Variants in THTPA observed in about 807,000 individuals in gnomAD.
THTPA encodes the protein thiamine-triphosphatase.
THTPA carries 16 observed loss-of-function variants against 16.5 expected under a neutral mutation model. The observed-to-expected ratio is 0.97, with a 90% confidence interval of 0.66 to 1.47. The LOEUF (loss-of-function observed/expected upper bound fraction) is 1.47. Among genes scored for constraint, THTPA ranks in the 40% most tolerant of loss-of-function variants. THTPA has a pLI of 0.00. For synonymous variants in THTPA, 110 were observed against 115.5 expected, an observed-to-expected ratio of 0.95 and a Z score of 0.30; for missense variants, 281 against 280.9, an observed-to-expected ratio of 1.00 and a Z score of 0.00.
chr14:23,546,822 C>A, the THTPA span, among the ~76,000 whole-genome samples: 223 of 152,302 alleles, frequency 1.5e-3, 2 homozygotes, highest in East Asian at 0.04. The surrounding 1 kb of genome is among the most constrained non-coding windows in gnomAD (Gnocchi z 4.7). Flanking sequence ...CTGCCCAACT[C>A]CGTGGCGGTG....
At chr14:23,511,930 C>G in the THTPA span, 1 of 152,036 alleles carries the variant, frequency 6.6e-6, no homozygotes, top group South Asian at 2.1e-4. Flanking sequence ...TATTCTCCTC[C>G]TTCCCCCGCC....
chr14:23,533,404 C>T, the THTPA span: 7 of 1,497,898 alleles, frequency 4.7e-6, no homozygotes, highest in East Asian at 1.2e-4. The surrounding 1 kb of genome is among the most constrained non-coding windows in gnomAD (Gnocchi z 4.8). Context: ...CTGAGGCTGC[C>T]CTAGGGCCTG....
the THTPA span, chr14:23,526,899 T>A: frequency 6.5e-7 from 1 of 1,534,740 alleles, no homozygotes; most frequent in South Asian, 1.2e-5. Context: ...TGGGGGGTTC[T>A]TGGCCATTGT....
At chr14:23,535,058 G>A in the THTPA span, 1 of 1,536,210 alleles carries the variant, frequency 6.5e-7, no homozygotes, top group Non-Finnish European at 8.7e-7. This position sits in a 1 kb window ranked among gnomAD's most constrained non-coding sequence, Gnocchi z 4.5. Flanking sequence ...TCCACCCCTG[G>A]GTCATTTGGT....
the THTPA span, chr14:23,526,979 A>G: frequency 6.6e-7 from 1 of 1,503,970 alleles, no homozygotes; most frequent in Non-Finnish European, 8.8e-7. Context: ...GTAGCCTGCA[A>G]TGAGAAAAAG....
At chr14:23,521,779 G>A in the THTPA span, 1 of 1,068,592 alleles carries the variant, frequency 9.4e-7, no homozygotes, top group South Asian at 1.7e-5. Flanking sequence ...TGGGGATTGG[G>A]AGGAGGCAGG....
At chr14:23,530,273 C>A in the THTPA span, 1 of 1,115,918 alleles carries the variant, frequency 9.0e-7, no homozygotes. Flanking sequence ...GGAAGCAGGA[C>A]AAGCAGCCAG....
chr14:23,549,199 T>C, the THTPA span, among the ~76,000 whole-genome samples: 622 of 152,302 alleles, frequency 4.1e-3, 9 homozygotes, highest in African/African-American at 0.014. Flanking sequence ...TCCAATTTCT[T>C]ATTAATCACC....
Position 23,559,645 on chromosome 14 carries a change from A to T in THTPA, c.*805A>T. The T allele has an allele frequency of 9.7e-7, 1 of 1,035,878 alleles. No individual in the cohort carries two copies. Among genetic ancestry groups the T allele is most frequent in the Non-Finnish European group, 1.5e-6 (1 of 680,962 alleles). The allele number at this position is 1,035,878 out of a possible 1,614,324, so 64.2% of individuals were successfully genotyped here. A position where few individuals can be genotyped will look rare whatever the true frequency, so the allele number is the denominator to read the frequency against. On this transcript the variant is annotated 3_prime_UTR_variant, in exon 2 of 2. Coordinates refer to ENST00000288014, the MANE Select transcript of THTPA (RefSeq NM_024328.6). ...CTGGTCCCCAGTTTTTGCAGTGCAA[A>T]GCCAGAGCGCCACCTGCTGGTAGCC...
the THTPA span, chr14:23,527,066 G>A: frequency 1.1e-5 from 15 of 1,392,942 alleles, no homozygotes; most frequent in African/African-American, 1.9e-4. Context: ...TACTTGTGCC[G>A]AGATCCCTTG....
the THTPA span, chr14:23,513,429 G>C: frequency 6.6e-6 from 1 of 152,632 alleles, no homozygotes; most frequent in Non-Finnish European, 1.5e-5. Flanking sequence ...GCATGTACAT[G>C]TACGCATAAG....
At position 23,557,127 on chromosome 14, in the gene THTPA, A is replaced by C. The variant is rs546766643; in HGVS notation, c.370A>C (p.Lys124Gln). Reference protein sequence around the residue: ...GLQEVASFVTKRSAWKLVLLG... With the variant: ...GLQEVASFVTQRSAWKLVLLG... ...GCAGGAAGTAGCTAGTTTTGTGACT[A>C]AGCGGAGTGCCTGGAAGCTGGTGCT... Residue 124 changes from lysine (K) to glutamine (Q), a missense_variant, in exon 1 of 2, where the codon AAG becomes CAG. Transcript: ENST00000288014. 5 of 1,614,112 alleles carry C rather than the reference A, an allele frequency of 3.1e-6. No homozygotes were observed. The African/African-American group carries it at 4.0e-5, about 13-fold the overall frequency.
the THTPA span, chr14:23,530,480 C>T: frequency 3.2e-6 from 2 of 615,808 alleles, no homozygotes; most frequent in Non-Finnish European, 6.0e-6. Context: ...CAAGACCAAA[C>T]TCAGCTCCCT....
Position 23,559,747 on chromosome 14 carries a change from A to G in THTPA, c.*907A>G, listed in dbSNP as rs1566609386. ...AGAATTTCAGGCTGTGAGTGGAGAC[A>G]GTTACTGCCACGATTCCACAGGCAA... On this transcript the variant is annotated 3_prime_UTR_variant, in exon 2 of 2. Transcript: ENST00000288014. The G allele has an allele frequency of 6.2e-7, 1 of 1,613,994 alleles. No homozygotes were observed. Among genetic ancestry groups the G allele is most frequent in the Non-Finnish European group, 8.5e-7 (1 of 1,179,932 alleles).
the THTPA span, among the ~76,000 whole-genome samples, chr14:23,539,040 G>A: frequency 6.6e-6 from 1 of 152,166 alleles, no homozygotes; most frequent in Non-Finnish European, 1.5e-5. Context: ...TGAGGGTGTA[G>A]TCATCCCCTG....
upstream of THTPA, chr14:23,556,087 G>T (rs1005015997): frequency 6.5e-6 from 1 of 152,672 alleles, no homozygotes; most frequent in Non-Finnish European, 1.5e-5. Flanking sequence ...GGAGCAGAAT[G>T]CAAGGGGCGG....
At chr14:23,526,766 G>C in the THTPA span, 6 of 1,529,966 alleles carry the variant, frequency 3.9e-6, no homozygotes, top group Non-Finnish European at 5.2e-6. Flanking sequence ...GTTGACCTTG[G>C]CCTCAGTCAT....
chr14:23,513,647 G>A, the THTPA span: 1 of 153,024 alleles, frequency 6.5e-6, no homozygotes, highest in Non-Finnish European at 1.5e-5. Context: ...TGCCCACGGA[G>A]ATGGGAGGAG....
Position 23,559,877 on chromosome 14 carries a change from G to GTTAGCACCCACGGCT in THTPA, c.*1039_*1053dup, listed in dbSNP as rs1566611503. 8.1e-6 allele frequency: 13 copies of GTTAGCACCCACGGCT among 1,613,374 alleles called. No individual in the cohort carries two copies. The highest frequency in any genetic ancestry group is 9.3e-6 in the Non-Finnish European group (11 of 1,179,492). Reference sequence around the variant, plus strand: ...TAGGAATAGGAGAGCAGGGACCAGGGTTAGCACCCACGGCTTCTTCTATCC... The same window carrying GTTAGCACCCACGGCT: ...TAGGAATAGGAGAGCAGGGACCAGGGTTAGCACCCACGGCTTTAGCACCCACGGCTTCTTCTATCC... On this transcript the variant is annotated 3_prime_UTR_variant, in exon 2 of 2. Transcript: ENST00000288014.
Sources: gnomAD v4.1 joint callset for allele counts (sites outside exome capture counted in the v4.1 genomes callset) on GRCh38, gnomAD v4.1.1 for gene constraint, Gnocchi (gnomAD v3.1) non-coding constraint, MANE v1.5 for transcripts, NCBI Gene and HGNC (gene_info 2026-07-23, HGNC 2026-07-21) for gene names.